The following ZNF333 variants were observed in gnomAD, a reference collection of about 807,000 sequenced individuals.
ZNF333 encodes zinc finger protein 333.
Under a neutral mutation model 76.1 loss-of-function variants are expected in ZNF333, and 61 were observed. The ratio of observed to expected loss-of-function variants is 0.80; its 90% CI spans 0.65 to 0.99. ZNF333 has a LOEUF of 0.99. Ranked by LOEUF, ZNF333 falls within the 50% of genes least tolerant of loss-of-function variation. The probability of loss-of-function intolerance (pLI) is 0.00; values close to 1 mark genes in which losing one functional copy is unlikely to be tolerated. For synonymous variants in ZNF333, 284 were observed against 305.0 expected (o/e 0.93, Z 0.72); for missense variants, 717 against 822.4 (o/e 0.87, Z 1.57).
exon 12 of ZNF333, chr19:14,732,690 T>C (rs187043716): frequency 1.3e-5 from 2 of 152,362 alleles, no homozygotes; most frequent in African/African-American, 4.8e-5. Context: ...ATGACTGATA[T>C]ATGAAGTTCA....
At chr19:14,713,897 G>C (rs1413919731) in intron 7 of ZNF333, among the ~76,000 whole-genome samples, 1 of 152,178 alleles carries the variant, frequency 6.6e-6, no homozygotes, top group African/African-American at 2.4e-5. Context: ...GGAGTTTGAG[G>C]CTGCAGTGAG....
chr19:14,716,790 G>A (rs1052172622), intron 9 of ZNF333, among the ~76,000 whole-genome samples: 3 of 152,150 alleles, frequency 2.0e-5, no homozygotes, highest in African/African-American at 4.8e-5. Flanking sequence ...TTTGTAGACC[G>A]GAGAGCCTCA....
chr19:14,708,263 C>T (rs2042174604), intron 7 of ZNF333: 1 of 399,476 alleles, frequency 2.5e-6, no homozygotes, highest in South Asian at 1.3e-4. Flanking sequence ...CCACCTCGGC[C>T]TCCCAAAGTG....
Position 14,702,273 on chromosome 19 carries a change from C to T in ZNF333, c.307-2781C>T, listed in dbSNP as rs569660301. ...CCTCACCCCAGAATCCCAGCAACTCCGGAAGCTGAGGTGGGAGGACCACTG... is the reference window on the plus strand; with the variant it reads ...CCTCACCCCAGAATCCCAGCAACTCTGGAAGCTGAGGTGGGAGGACCACTG... On this transcript the variant is annotated intron_variant, in intron 5 of 11. Coordinates refer to ENST00000292530, the MANE Select transcript of ZNF333 (RefSeq NM_032433.4). Among the ~76,000 whole-genome samples, 174 of 152,304 alleles carry T rather than the reference C, an allele frequency of 1.1e-3. 1 individual carries two copies. Among genetic ancestry groups the T allele is most frequent in the Middle Eastern group, 3.4e-3 (1 of 294 alleles).
chr19:14,690,318 C>T (rs1438295484), intron 1 of ZNF333, among the ~76,000 whole-genome samples, 168 bp downstream of exon 1: 2 of 152,316 alleles, frequency 1.3e-5, no homozygotes, highest in East Asian at 3.9e-4. Context: ...TCTGGGCGCC[C>T]GCCGCCCGGT....
At chr19:14,700,268 A>T (rs1568530136) in intron 5 of ZNF333, 1 of 150,402 alleles carries the variant, frequency 6.6e-6, no homozygotes, top group Non-Finnish European at 1.5e-5. Context: ...TGTTCCTCCC[A>T]CCTCAGCCAC....
intron 4 of ZNF333, among the ~76,000 whole-genome samples, chr19:14,697,357 C>CTTTTTTTTTTTTTTTTTTTTTTTTT (rs139125023): frequency 1.1e-5 from 1 of 90,828 alleles, no homozygotes; most frequent in Non-Finnish European, 2.2e-5. Context: ...TTTTTCTTTT[C>CTTTTTTTTTTTTTTTTTTTTTTTTT]TTTTTTTTTT....
At chr19:14,732,963 T>G (rs2042688484) in exon 12 of ZNF333, 1 of 152,224 alleles carries the variant, frequency 6.6e-6, no homozygotes, top group South Asian at 2.1e-4. Context: ...CGACCCCTGC[T>G]CTAGGTAGAC....
chr19:14,724,037 A>G (rs775109186), downstream of ZNF333, among the ~76,000 whole-genome samples: 8 of 152,056 alleles, frequency 5.3e-5, no homozygotes, highest in Admixed American at 6.6e-5. Context: ...GCTCTTGCCT[A>G]TCTCTTCACC....
At chr19:14,716,351 TG>T in intron 9 of ZNF333, 113 bp downstream of exon 9, 4 of 1,247,226 alleles carry the variant, frequency 3.2e-6, no homozygotes, top group Non-Finnish European at 4.4e-6. Context: ...CTCCGCTTCC[TG>T]GGCTCAGGTG....
In ZNF333 at chr19:14,715,374, T is replaced by C; in HGVS notation, c.512-8T>C. ...ACCAACCCTCATGCCTCTTCCCTTC[T>C]CCCCTAGCTGTGCCTGCACGTGACC... is the stretch of plus-strand genomic sequence containing the variant. On this transcript the variant is annotated splice_region_variant and splice_polypyrimidine_tract_variant and intron_variant, in intron 7 of 11. Coordinates refer to ENST00000292530, the MANE Select transcript of ZNF333 (RefSeq NM_032433.4). 1 of 1,613,436 alleles carries C rather than the reference T, an allele frequency of 6.2e-7. No homozygotes were observed. Among genetic ancestry groups the C allele is most frequent in the Non-Finnish European group, 8.5e-7 (1 of 1,179,706 alleles).
chr19:14,691,724 T>C (rs1327709552), intron 1 of ZNF333, among the ~76,000 whole-genome samples: 1 of 143,366 alleles, frequency 7.0e-6, no homozygotes, highest in Non-Finnish European at 1.5e-5. Context: ...TCACCCAGGC[T>C]GGAGTGCAGT....
chr19:14,718,474 A>C lies in ZNF333; in HGVS notation c.1147A>C (p.Arg383=). ...CTTCAGATACAGCTCTGACCTTATC[A>C]GGCATGAGAAGACTCATACTGCAGA... The part of the protein sequence containing the change: ...KSFRYSSDLI[R]HEKTHTAEKC... The change falls in exon 12 of 12, where the codon AGG becomes CGG. Residue 383 remains arginine (R), a synonymous_variant. Transcript: ENST00000292530. The C allele has an allele frequency of 6.2e-7, 1 of 1,614,248 alleles. No individual in the cohort carries two copies. The highest frequency in any genetic ancestry group is 8.5e-7 in the Non-Finnish European group (1 of 1,180,048).
chr19:14,702,649 G>A (rs550504566), intron 5 of ZNF333, among the ~76,000 whole-genome samples: 104 of 152,358 alleles, frequency 6.8e-4, no homozygotes, highest in Non-Finnish European at 9.4e-4. Context: ...TGAGGCTGCA[G>A]TGTTGCTGCT....
Position 14,693,514 on chromosome 19 carries a change from C to T in ZNF333, c.3+20C>T, listed in dbSNP as rs1207165332. On this transcript the variant is annotated intron_variant, in intron 2 of 11. Transcript: ENST00000292530. Reference sequence around the variant, plus strand: ...GTCATGGTGAGGAAACTGGGGGCTCCTGTGGCTGAAGGGGTGGATATGTAG... The same window carrying T: ...GTCATGGTGAGGAAACTGGGGGCTCTTGTGGCTGAAGGGGTGGATATGTAG... The T allele has an allele frequency of 6.3e-7, 1 of 1,599,890 alleles. No homozygotes were observed. The highest frequency in any genetic ancestry group is 8.5e-7 in the Non-Finnish European group (1 of 1,169,906).
Position 14,720,655 on chromosome 19 carries a change from A to G in ZNF333, c.*1330A>G. On this transcript the variant is annotated 3_prime_UTR_variant, in exon 12 of 12. Coordinates refer to ENST00000292530, the MANE Select transcript of ZNF333 (RefSeq NM_032433.4). ...TTTATTTCACCTGAATATAATTCCT[A>G]ACTGATGCACTTAGTATATGTCAGT... 7 of 985,420 alleles carry G rather than the reference A, an allele frequency of 7.1e-6. No homozygotes were observed. Among genetic ancestry groups the G allele is most frequent in the Non-Finnish European group, 8.4e-6 (7 of 829,936 alleles). The allele number at this position is 985,420 out of a possible 1,614,324, so 61.0% of individuals were successfully genotyped here.
downstream of ZNF333, among the ~76,000 whole-genome samples, chr19:14,724,350 C>T (rs187253685): frequency 3.7e-4 from 57 of 152,314 alleles, no homozygotes; most frequent in African/African-American, 1.3e-3. Context: ...CTTACTGATT[C>T]ACTTGGGGAG....
At chr19:14,702,905 A>G (rs2146971423) in intron 5 of ZNF333, among the ~76,000 whole-genome samples, 1 of 152,266 alleles carries the variant, frequency 6.6e-6, no homozygotes, top group South Asian at 2.1e-4. Context: ...AAAACCCCTT[A>G]TAAAACCATC....
rs2042637608 is a variant in ZNF333, at chr19:14,727,070, GC to G, written c.901-4102del. ...TTTTGAGGTGGAGTCTTGCTTTGTT[GC>G]CCAGACAGTGCAGTGGCGCAATCTT... On this transcript the variant is annotated intron_variant, in intron 11 of 11. Coordinates refer to the ZNF333 transcript ENST00000540689. Among the ~76,000 whole-genome samples the G allele has an allele frequency of 5.4e-5, 5 of 93,386 alleles. No homozygotes were observed. The South Asian group carries it at 1.9e-3, about 36-fold the overall frequency. 61.3% of individuals were successfully genotyped at this position (93,386 alleles called of 152,430 possible). A position where few individuals can be genotyped will look rare whatever the true frequency, so the allele number is the denominator to read the frequency against.
Sources: gnomAD v4.1 joint callset for allele counts (sites outside exome capture counted in the v4.1 genomes callset) on GRCh38, gnomAD v4.1.1 for gene constraint, MANE v1.5 for transcripts, NCBI Gene and HGNC (gene_info 2026-07-23, HGNC 2026-07-21) for gene names.